Variants in PSMA1 observed in about 807,000 individuals in gnomAD.
The protein encoded by PSMA1 is proteasome 20S subunit alpha 1.
PSMA1 carries 3 observed loss-of-function variants against 38.4 expected under a neutral mutation model. The observed-to-expected ratio is 0.08, with a 90% CI of 0.04 to 0.20. PSMA1 has a LOEUF of 0.20. Ranked by LOEUF, PSMA1 falls within the 10% of genes least tolerant of loss-of-function variation. The pLI is 1.00. For synonymous variants in PSMA1, 101 were observed against 107.1 expected, an observed-to-expected ratio of 0.94 and a Z score of 0.35; for missense variants, 227 against 325.3, an observed-to-expected ratio of 0.70 and a Z score of 2.32.
chr11:14,578,394 T>C (rs556537605), intron 2 of PSMA1, among the ~76,000 whole-genome samples: 18 of 152,268 alleles, frequency 1.2e-4, no homozygotes, highest in African/African-American at 4.1e-4. Flanking sequence ...TGTCAGTAGC[T>C]TGGCAGGGCT....
chr11:14,570,781 C>T lies in PSMA1; in HGVS notation c.21+40185G>A, dbSNP rs189430380. On this transcript the variant is annotated intron_variant, in intron 2 of 10. Coordinates refer to the PSMA1 transcript ENST00000418988. ...TGGAACCAAGTTGGAAAACACTCTT[C>T]AGAATATTATCCAGGAGAACTTCCC... Among the ~76,000 whole-genome samples the T allele has an allele frequency of 6.6e-3, 1,001 of 152,326 alleles. 9 individuals are homozygous for T. Among genetic ancestry groups the T allele is most frequent in the Non-Finnish European group, 0.011 (751 of 68,026 alleles).
intron 2 of PSMA1, among the ~76,000 whole-genome samples, chr11:14,593,659 A>AGAGG (rs1336219689): frequency 7.6e-6 from 1 of 131,652 alleles, no homozygotes; most frequent in Non-Finnish European, 1.6e-5. Flanking sequence ...AGAGAGAGAG[A>AGAGG]GAGCGCCAGC....
In PSMA1 at chr11:14,507,085, T is replaced by C. The variant is rs755481744; in HGVS notation, c.735+571A>G. On this transcript the variant is annotated intron_variant, in intron 9 of 9. Transcript: ENST00000396394. ...TCAGCCGCAAAATTGTGAGAAGTAG[T>C]GTTTGTTGTTCTAGCCCCTAAGTTT... Among the ~76,000 whole-genome samples the C allele has an allele frequency of 1.4e-4, 22 of 152,206 alleles. No individual in the cohort carries two copies. The South Asian group carries it at 1.5e-3, about 10-fold the overall frequency.
At position 14,554,215 on chromosome 11, in the gene PSMA1, A is replaced by G. The variant is rs528761088; in HGVS notation, c.22-35174T>C. 6.6e-5 allele frequency among the ~76,000 whole-genome samples: 10 copies of G among 152,224 alleles called. No homozygotes were observed. The South Asian group carries it at 1.7e-3, about 25-fold the overall frequency. On this transcript the variant is annotated intron_variant, in intron 2 of 10. Coordinates refer to the PSMA1 transcript ENST00000418988. Reference sequence around the variant, plus strand: ...TCCTTTGTCAGATGTTTGGTTTACTATATTTTCTGCAGTGGTTTTTGGTTT... The same window carrying G: ...TCCTTTGTCAGATGTTTGGTTTACTGTATTTTCTGCAGTGGTTTTTGGTTT...
At chr11:14,598,311 TTC>T (rs1329602431) in intron 2 of PSMA1, among the ~76,000 whole-genome samples, 27 of 152,232 alleles carry the variant, frequency 1.8e-4, no homozygotes, top group African/African-American at 6.3e-4. Flanking sequence ...CTTGTTAACT[TTC>T]TGTTTTGTTG....
chr11:14,608,017 A>G (rs1448070880), intron 2 of PSMA1, among the ~76,000 whole-genome samples: 2 of 152,156 alleles, frequency 1.3e-5, no homozygotes, highest in Non-Finnish European at 1.5e-5. Context: ...CAGAAGTTCT[A>G]CAATGGCACT....
intron 2 of PSMA1, among the ~76,000 whole-genome samples, chr11:14,600,199 G>T (rs901343286): frequency 6.6e-6 from 1 of 152,190 alleles, no homozygotes; most frequent in Non-Finnish European, 1.5e-5. Flanking sequence ...TTACACGGAG[G>T]TTAGGGATCC....
chr11:14,509,746 G>A (rs11023244), intron 8 of PSMA1, among the ~76,000 whole-genome samples: 6,253 of 125,076 alleles, frequency 0.05, 169 homozygotes, highest in Admixed American at 0.071. Flanking sequence ...ACGGAGTCTC[G>A]CTCTGTCGCC....
At chr11:14,617,894 G>C (rs779322940) in intron 1 of PSMA1, among the ~76,000 whole-genome samples, 12 of 152,090 alleles carry the variant, frequency 7.9e-5, no homozygotes, top group Non-Finnish European at 1.5e-4. Flanking sequence ...GTACAGTGTG[G>C]AGGACATGGG....
intron 1 of PSMA1, among the ~76,000 whole-genome samples, chr11:14,638,409 C>T (rs945501262): frequency 6.6e-6 from 1 of 150,820 alleles, no homozygotes; most frequent in Non-Finnish European, 1.5e-5. Context: ...AATAGTCTTA[C>T]ACTTTTTGAT....
chr11:14,565,840 T>C (rs1290148739), intron 2 of PSMA1, among the ~76,000 whole-genome samples: 3 of 152,222 alleles, frequency 2.0e-5, no homozygotes, highest in Non-Finnish European at 4.4e-5. Context: ...ATAGTGTTTA[T>C]TTCCACAGTA....
chr11:14,600,019 G>C (rs1447112078), intron 2 of PSMA1, among the ~76,000 whole-genome samples: 1 of 152,186 alleles, frequency 6.6e-6, no homozygotes, highest in Non-Finnish European at 1.5e-5. Flanking sequence ...AGGTCTGTTG[G>C]AGTTTGCTGG....
chr11:14,517,437 G>A (rs947584520), intron 4 of PSMA1, among the ~76,000 whole-genome samples: 1 of 152,130 alleles, frequency 6.6e-6, no homozygotes, highest in African/African-American at 2.4e-5. Flanking sequence ...TCTGAAAAGT[G>A]CTAATGTTTA....
At chr11:14,552,932 T>A (rs1851903142) in intron 2 of PSMA1, among the ~76,000 whole-genome samples, 1 of 148,156 alleles carries the variant, frequency 6.7e-6, no homozygotes, top group African/African-American at 2.5e-5. Flanking sequence ...GCTCGAGCAA[T>A]CCCTACACCT....
upstream of PSMA1, among the ~76,000 whole-genome samples, chr11:14,523,437 ATT>A (rs1851550939): frequency 1.3e-5 from 2 of 151,902 alleles, no homozygotes; most frequent in Admixed American, 1.3e-4. Flanking sequence ...TACCTGGCTA[ATT>A]TTAAAATTTT....
At chr11:14,567,420 T>C (rs1333660845) in intron 2 of PSMA1, among the ~76,000 whole-genome samples, 1 of 152,224 alleles carries the variant, frequency 6.6e-6, no homozygotes, top group African/African-American at 2.4e-5. Context: ...AATGTAAATA[T>C]CTGGTATAAA....
chr11:14,513,333 T>C, intron 7 of PSMA1: 1 of 361,896 alleles, frequency 2.8e-6, no homozygotes, highest in Non-Finnish European at 4.6e-6. Context: ...ATTTTCAAGG[T>C]TGGGAACACA....
At chr11:14,596,656 G>T (rs184363344) in intron 2 of PSMA1, among the ~76,000 whole-genome samples, 1 of 152,156 alleles carries the variant, frequency 6.6e-6, no homozygotes, top group Non-Finnish European at 1.5e-5. Context: ...TGAGACGATG[G>T]GGTTTTCTAA....
intron 9 of PSMA1, 196 bp downstream of exon 9, chr11:14,507,460 C>T (rs1432757348): frequency 1.0e-5 from 5 of 496,404 alleles, no homozygotes; most frequent in Non-Finnish European, 1.8e-5. Context: ...GCCACCGCAC[C>T]CGGCCCCCTT....
Sources: gnomAD v4.1 joint callset for allele counts (sites outside exome capture counted in the v4.1 genomes callset) on GRCh38, gnomAD v4.1.1 for gene constraint, MANE v1.5 for transcripts, NCBI Gene and HGNC (gene_info 2026-07-23, HGNC 2026-07-21) for gene names.